The following ERCC6L2 variants were observed in gnomAD, a reference collection of about 807,000 sequenced individuals.
ERCC6L2 encodes DNA excision repair protein ERCC-6-like 2.
Under a neutral mutation model 132.0 loss-of-function variants are expected in ERCC6L2, and 77 were observed. The observed-to-expected ratio is 0.58, with a 90% CI of 0.49 to 0.71. ERCC6L2 has a LOEUF of 0.71. Ranked by LOEUF, ERCC6L2 falls within the 30% of genes least tolerant of loss-of-function variation. ERCC6L2 has a pLI of 0.00. For missense variants in ERCC6L2, 1,542 were observed against 1,837.6 expected (o/e 0.84, Z 2.94); for synonymous variants, 583 against 632.4 (o/e 0.92, Z 1.17).
At chr9:95,974,768 T>C (rs917152545) in intron 16 of ERCC6L2, among the ~76,000 whole-genome samples, 2 of 152,060 alleles carry the variant, frequency 1.3e-5, no homozygotes, top group African/African-American at 4.8e-5. Flanking sequence ...TATACACATA[T>C]ATGTGTATGT....
At chr9:96,033,857 G>A (rs987921277) in intron 19 of ERCC6L2, among the ~76,000 whole-genome samples, 7 of 152,194 alleles carry the variant, frequency 4.6e-5, no homozygotes, top group Non-Finnish European at 1.0e-4. Context: ...CAAAGGCAGT[G>A]GTGATTTCAC....
chr9:95,972,977 C>T lies in ERCC6L2; in HGVS notation c.3226C>T (p.Pro1076Ser), dbSNP rs1832492622. The T allele has an allele frequency of 1.5e-6, 2 of 1,338,596 alleles. No homozygotes were observed. Among genetic ancestry groups the T allele is most frequent in the Admixed American group, 2.1e-5 (1 of 48,024 alleles). 82.9% of individuals were successfully genotyped at this position (1,338,596 alleles called of 1,614,324 possible). The part of the protein sequence containing the change: ...RDRTSFSSKL[P>S]SHNKKNSTFI... ...CAGAACTAGTTTTTCTTCAAAATTG[C>T]CTAGCCATAATAAGAAAAATAGCAC... Residue 1076 changes from proline to serine, a missense_variant, in exon 16 of 19, where the codon CCT (proline) becomes TCT (serine). Physicochemically the swap from Pro to Ser is moderately conservative, Grantham distance 74. Transcript: ENST00000653738.
rs1035093093 is a variant in ERCC6L2 at position 96,015,695 on chromosome 9, C to G, written c.*2492C>G. Among the ~76,000 whole-genome samples, 8 of 150,890 alleles carry G rather than the reference C, an allele frequency of 5.3e-5. No individual in the cohort carries two copies. Among genetic ancestry groups the G allele is most frequent in the Non-Finnish European group, 8.8e-5 (6 of 67,822 alleles). On this transcript the variant is annotated 3_prime_UTR_variant, in exon 19 of 19. Coordinates refer to ENST00000653738, the MANE Select transcript of ERCC6L2 (RefSeq NM_020207.7). The stretch of plus-strand genomic sequence containing the variant: ...GTGGGCGCCTGTAGTCCCAGCTACT[C>G]GGGAGGCTGAGGCAGGAGAATGGCG...
chr9:96,039,200 C>T (rs140365023), intron 20 of ERCC6L2, among the ~76,000 whole-genome samples: 23 of 152,310 alleles, frequency 1.5e-4, no homozygotes, highest in Non-Finnish European at 2.1e-4. Flanking sequence ...CTGGATAACT[C>T]CTGCACTGCC....
At chr9:96,033,906 A>G (rs1291265689) in intron 19 of ERCC6L2, among the ~76,000 whole-genome samples, 1 of 152,218 alleles carries the variant, frequency 6.6e-6, no homozygotes, top group African/African-American at 2.4e-5. Flanking sequence ...TCAGAAGGCC[A>G]GGAAGACCAT....
chr9:95,951,511 A>G (rs10760679), intron 12 of ERCC6L2, among the ~76,000 whole-genome samples: 40,791 of 152,084 alleles, frequency 0.27, 5,985 homozygotes, highest in East Asian at 0.4. Flanking sequence ...AATGAAACCA[A>G]GAGTTGGTTG....
In ERCC6L2 at chr9:95,995,793, G is replaced by A. The variant is rs142387350; in HGVS notation, c.3493-8727G>A. On this transcript the variant is annotated intron_variant, in intron 17 of 18. Transcript: ENST00000653738. ...ATGCATGATCTTTGATGTTCCTGTT[G>A]TAACTGTTGGGCACCAACTGCACAC... 4.1e-3 allele frequency among the ~76,000 whole-genome samples: 625 copies of A among 152,244 alleles called. 9 individuals are homozygous for A. Among genetic ancestry groups the A allele is most frequent in the African/African-American group, 0.014 (575 of 41,530 alleles).
chr9:95,889,746 G>A (rs1828061584), intron 2 of ERCC6L2, among the ~76,000 whole-genome samples: 1 of 151,966 alleles, frequency 6.6e-6, no homozygotes, highest in African/African-American at 2.4e-5. Context: ...AACCCAAAAT[G>A]TTATGCTTAT....
chr9:96,038,748 T>C, intron 19 of ERCC6L2: 1 of 408,734 alleles, frequency 2.4e-6, no homozygotes, highest in Non-Finnish European at 4.9e-6. Flanking sequence ...GTCTGCAGAT[T>C]CTTTGATCTT....
At chr9:96,036,281 G>A (rs1834518060) in intron 19 of ERCC6L2, among the ~76,000 whole-genome samples, 1 of 151,896 alleles carries the variant, frequency 6.6e-6, no homozygotes, top group Non-Finnish European at 1.5e-5. Context: ...TAATATAATT[G>A]GAAGTACACA....
At chr9:95,877,962 C>A (rs591579) in intron 1 of ERCC6L2, among the ~76,000 whole-genome samples, 114,125 of 152,136 alleles carry the variant, frequency 0.75, 43,854 homozygotes, top group African/African-American at 0.92. Context: ...GACAAAAAAC[C>A]AGTGGACATG....
At chr9:95,950,558 T>G (rs1221348480) in intron 12 of ERCC6L2, among the ~76,000 whole-genome samples, 2 of 152,118 alleles carry the variant, frequency 1.3e-5, no homozygotes, top group Non-Finnish European at 2.9e-5. Context: ...CAGAACAGAT[T>G]TAAAAAACAG....
downstream of ERCC6L2, chr9:96,021,464 G>C (rs910170608): frequency 3.0e-5 from 6 of 198,332 alleles, no homozygotes; most frequent in Non-Finnish European, 5.1e-5. This position sits in a 1 kb window ranked among gnomAD's most constrained non-coding sequence, Gnocchi z 4.7. Flanking sequence ...CCCTCTGCGG[G>C]GTCCGCCCCT....
Position 95,976,551 on chromosome 9 carries a change from A to G in ERCC6L2, c.3338-1510A>G, listed in dbSNP as rs142187613. On this transcript the variant is annotated intron_variant, in intron 16 of 18. Coordinates refer to ENST00000653738, the MANE Select transcript of ERCC6L2 (RefSeq NM_020207.7). ...TCTGTCAGGTACCCTGTTGCTTCCTACTTTCACACAGATACTGAAACCATG... is the reference window on the plus strand; with the variant it reads ...TCTGTCAGGTACCCTGTTGCTTCCTGCTTTCACACAGATACTGAAACCATG... Among the ~76,000 whole-genome samples, 17 of 152,244 alleles carry G rather than the reference A, an allele frequency of 1.1e-4. No individual in the cohort carries two copies. In the East Asian group the frequency reaches 3.1e-3, roughly 28 times the overall value.
intron 11 of ERCC6L2, among the ~76,000 whole-genome samples, chr9:95,938,354 G>A (rs552686263): frequency 4.2e-4 from 64 of 152,000 alleles, no homozygotes; most frequent in African/African-American, 1.4e-3. Flanking sequence ...AGTGTTCTGC[G>A]TATGTCATTG....
In ERCC6L2 at chr9:95,875,800, C is replaced by T. The variant is rs1221094792; in HGVS notation, c.-239C>T. The T allele has an allele frequency of 1.7e-6, 1 of 574,718 alleles. No individual in the cohort carries two copies. Among genetic ancestry groups the T allele is most frequent in the Non-Finnish European group, 3.1e-6 (1 of 319,424 alleles). 35.6% of individuals were successfully genotyped at this position (574,718 alleles called of 1,614,324 possible). Reference sequence around the variant, plus strand: ...CCGCTTTGCCAGCCTCACACAGCGTCCCCTGGCTCTGCCGCCGCTCCGGAC... The same window carrying T: ...CCGCTTTGCCAGCCTCACACAGCGTTCCCTGGCTCTGCCGCCGCTCCGGAC... On this transcript the variant is annotated 5_prime_UTR_variant, in exon 1 of 19. Coordinates refer to ENST00000653738, the MANE Select transcript of ERCC6L2 (RefSeq NM_020207.7).
chr9:95,962,609 A>G (rs913332185), intron 13 of ERCC6L2, among the ~76,000 whole-genome samples: 3 of 152,208 alleles, frequency 2.0e-5, no homozygotes, highest in Non-Finnish European at 4.4e-5. Context: ...TATACAGAAC[A>G]ATATCTACAG....
At chr9:95,898,593 C>A (rs1400760664) in intron 3 of ERCC6L2, among the ~76,000 whole-genome samples, 1 of 151,888 alleles carries the variant, frequency 6.6e-6, no homozygotes, top group Non-Finnish European at 1.5e-5. Flanking sequence ...AAAAAGATTT[C>A]TAATAAAGCA....
chr9:95,889,467 A>ATG (rs150280157), intron 2 of ERCC6L2, among the ~76,000 whole-genome samples: 2,476 of 150,724 alleles, frequency 0.016, 45 homozygotes, highest in Middle Eastern at 0.048. Flanking sequence ...CTGTCAATAT[A>ATG]TGTGTGTGTG....
Sources: allele counts gnomAD v4.1 joint callset (sites outside exome capture counted in the v4.1 genomes callset), GRCh38; gene constraint gnomAD v4.1.1; non-coding constraint Gnocchi (gnomAD v3.1); transcripts MANE v1.5; gene names NCBI Gene and HGNC (gene_info 2026-07-23, HGNC 2026-07-21).